The following IL2RA variants were observed in gnomAD, a reference collection of about 807,000 sequenced individuals.
IL2RA encodes interleukin-2 receptor subunit alpha.
A neutral mutation model predicts 37.8 loss-of-function variants in IL2RA; 24 were observed. The ratio of observed to expected loss-of-function variants is 0.63; its 90% CI spans 0.46 to 0.89. IL2RA has a LOEUF of 0.89. Among genes scored for constraint, IL2RA ranks in the 40% least tolerant of loss-of-function variants. The pLI is 0.00. For synonymous variants in IL2RA, 125 were observed against 114.6 expected, an observed-to-expected ratio of 1.09 and a Z score of -0.58; for missense variants, 319 against 348.6, an observed-to-expected ratio of 0.92 and a Z score of 0.68.
At chr10:6,061,459 A>G (rs1303607131) in intron 1 of IL2RA, among the ~76,000 whole-genome samples, 5 of 152,240 alleles carry the variant, frequency 3.3e-5, no homozygotes, top group Non-Finnish European at 7.3e-5. Context: ...ACGTATACAT[A>G]TACATATCAT....
rs1244493542 is a variant in IL2RA at position 6,035,065 on chromosome 10, C to T, written c.65-9040G>A. Among the ~76,000 whole-genome samples the T allele has an allele frequency of 6.6e-6, 1 of 152,122 alleles. No individual in the cohort carries two copies. The highest frequency in any genetic ancestry group is 1.5e-5 in the Non-Finnish European group (1 of 68,012). ...GGTGTAGGGTGGTAAACACTCAAGG[C>T]TTAGAAATTGGGGCTCCCCACCCTG... is the stretch of plus-strand genomic sequence containing the variant. On this transcript the variant is annotated intron_variant, in intron 1 of 7. Coordinates refer to ENST00000379959, the MANE Select transcript of IL2RA (RefSeq NM_000417.3). This position sits in a 1 kb window ranked among gnomAD's most constrained non-coding sequence, Gnocchi z 5.4.
rs1839311518 is a variant in IL2RA at position 6,018,233 on chromosome 10, C to T, written c.728-114G>A. Reference sequence around the variant, plus strand: ...TCCCCAAAGAGCAAGGCGGAGGCTGCAGCCTCTCTTCCCTGTCTCAGGAAG... The same window carrying T: ...TCCCCAAAGAGCAAGGCGGAGGCTGTAGCCTCTCTTCCCTGTCTCAGGAAG... On this transcript the variant is annotated intron_variant, in intron 6 of 7. Coordinates refer to ENST00000379959, the MANE Select transcript of IL2RA (RefSeq NM_000417.3). The surrounding 1 kb of genome is among the most constrained non-coding windows in gnomAD (Gnocchi z 5.1). 6 of 777,430 alleles carry T rather than the reference C, an allele frequency of 7.7e-6. No individual in the cohort carries two copies. The South Asian group carries it at 8.7e-5, about 11-fold the overall frequency. 48.2% of individuals were successfully genotyped at this position (777,430 alleles called of 1,614,324 possible). A position where few individuals can be genotyped will look rare whatever the true frequency, so the allele number is the denominator to read the frequency against.
chr10:6,062,343 G>A lies in IL2RA; in HGVS notation c.-192C>T. ...CAGGAGTTGCTCTCTTTAAGTATTG[G>A]GCTGGCGTGTTCAGCCAGGAAACTG... On this transcript the variant is annotated 5_prime_UTR_variant, in exon 1 of 8. Coordinates refer to ENST00000379959, the MANE Select transcript of IL2RA (RefSeq NM_000417.3). 1 of 546,340 alleles carries A rather than the reference G, an allele frequency of 1.8e-6. No individual in the cohort carries two copies. The highest frequency in any genetic ancestry group is 3.3e-6 in the Non-Finnish European group (1 of 303,056). 33.8% of individuals were successfully genotyped at this position (546,340 alleles called of 1,614,324 possible).
rs942201 is a variant in IL2RA at position 6,044,329 on chromosome 10, G to A, written c.64+17759C>T. Among the ~76,000 whole-genome samples, 27 of 152,162 alleles carry A rather than the reference G, an allele frequency of 1.8e-4. No homozygotes were observed. The highest frequency in any genetic ancestry group is 8.8e-5 in the Non-Finnish European group (6 of 68,030). ...ATAGTTCCGGCTGTGCTACAGCTCC[G>A]TGACTGCTTCTGTAGAGCAGGGCGA... On this transcript the variant is annotated intron_variant, in intron 1 of 7. Coordinates refer to ENST00000379959, the MANE Select transcript of IL2RA (RefSeq NM_000417.3). The surrounding 1 kb of genome is among the most constrained non-coding windows in gnomAD (Gnocchi z 4.5).
Position 6,025,169 on chromosome 10 carries a change from C to T in IL2RA, c.256+665G>A, listed in dbSNP as rs1010591617. On this transcript the variant is annotated intron_variant, in intron 2 of 7. Transcript: ENST00000379959. The surrounding 1 kb of genome is among the most constrained non-coding windows in gnomAD (Gnocchi z 4.4). Reference sequence around the variant, plus strand: ...AGGAGTTCGAGACCAGCCTGGCCAACATGGCGAAACCCCATCTTTGCTAAA... The same window carrying T: ...AGGAGTTCGAGACCAGCCTGGCCAATATGGCGAAACCCCATCTTTGCTAAA... 1.3e-5 allele frequency among the ~76,000 whole-genome samples: 2 copies of T among 152,010 alleles called. No individual in the cohort carries two copies. Among genetic ancestry groups the T allele is most frequent in the Admixed American group, 1.3e-4 (2 of 15,268 alleles).
chr10:6,050,201 C>A (rs2246034), intron 1 of IL2RA, among the ~76,000 whole-genome samples: 151,688 of 152,344 alleles, frequency 1, 75,523 homozygotes, highest in Middle Eastern at 1. Context: ...CCTGCCTAGG[C>A]AGCCCAGGAG....
At position 6,025,279 on chromosome 10, in the gene IL2RA, A is replaced by G. The variant is rs759432447; in HGVS notation, c.256+555T>C. Among the ~76,000 whole-genome samples the G allele has an allele frequency of 1.4e-4, 21 of 152,078 alleles. No homozygotes were observed. The highest frequency in any genetic ancestry group is 2.5e-4 in the Non-Finnish European group (17 of 68,012). On this transcript the variant is annotated intron_variant, in intron 2 of 7. Transcript: ENST00000379959. This position sits in a 1 kb window ranked among gnomAD's most constrained non-coding sequence, Gnocchi z 4.4. ...TGTGGCACAAGATTCACTTGAACCC[A>G]GGAGGTGGAGGTTGCAGTGATCTGA... is the stretch of plus-strand genomic sequence containing the variant.
At position 6,020,984 on chromosome 10, in the gene IL2RA, T is replaced by A. The variant is rs1213324836; in HGVS notation, c.583+494A>T. On this transcript the variant is annotated intron_variant, in intron 4 of 7. Transcript: ENST00000379959. The surrounding 1 kb of genome is among the most constrained non-coding windows in gnomAD (Gnocchi z 5.6). The stretch of plus-strand genomic sequence containing the variant: ...ATGTGCACTGAGTAAGTCCCGACTC[T>A]GCACATTTTATGTTTATTTTTACAA... 6.6e-6 allele frequency among the ~76,000 whole-genome samples: 1 copy of A among 152,104 alleles called. No homozygotes were observed. The highest frequency in any genetic ancestry group is 2.4e-5 in the African/African-American group (1 of 41,414).
chr10:6,030,936 G>A (rs966494543), intron 1 of IL2RA, among the ~76,000 whole-genome samples: 3 of 152,042 alleles, frequency 2.0e-5, no homozygotes, highest in African/African-American at 7.2e-5. Flanking sequence ...ATAAGTTAAG[G>A]ATTCATGCTG....
intron 1 of IL2RA, among the ~76,000 whole-genome samples, chr10:6,027,150 A>G (rs567821399): frequency 6.6e-6 from 1 of 152,232 alleles, no homozygotes; most frequent in East Asian, 1.9e-4. Flanking sequence ...GGTGAAAACC[A>G]CAGTCTCTAC....
Position 6,018,933 on chromosome 10 carries a change from CACTA to C in IL2RA, c.727+491_727+494del, listed in dbSNP as rs1448228672. Reference sequence around the variant, plus strand: ...CTACCAATCTATCTACCAACCAACTCACTAACCAACCAACCAGCTAACCAACCAA... The same window carrying C: ...CTACCAATCTATCTACCAACCAACTCACCAACCAACCAGCTAACCAACCAA... On this transcript the variant is annotated intron_variant, in intron 6 of 7. Transcript: ENST00000379959. The surrounding 1 kb of genome is among the most constrained non-coding windows in gnomAD (Gnocchi z 5.1). Among the ~76,000 whole-genome samples the C allele has an allele frequency of 4.0e-5, 6 of 151,608 alleles. No homozygotes were observed. The highest frequency in any genetic ancestry group is 6.6e-5 in the Admixed American group (1 of 15,228).
At chr10:6,060,312 T>C (rs1362146413) in intron 1 of IL2RA, among the ~76,000 whole-genome samples, 1 of 152,122 alleles carries the variant, frequency 6.6e-6, no homozygotes, top group Non-Finnish European at 1.5e-5. Context: ...GGGTACAGCA[T>C]ACATGCTCAG....
chr10:6,018,002 G>C lies in IL2RA; in HGVS notation c.794+51C>G. The stretch of plus-strand genomic sequence containing the variant: ...GTAGGGGGGAGGCAGGGTGGGGCTG[G>C]GTACAGGACTTTGATCTGACCAAGG... On this transcript the variant is annotated intron_variant, in intron 7 of 7. Coordinates refer to ENST00000379959, the MANE Select transcript of IL2RA (RefSeq NM_000417.3). The surrounding 1 kb of genome is among the most constrained non-coding windows in gnomAD (Gnocchi z 5.1). 6.7e-7 allele frequency: 1 copy of C among 1,484,332 alleles called. No individual in the cohort carries two copies. The highest frequency in any genetic ancestry group is 9.4e-7 in the Non-Finnish European group (1 of 1,068,546). The allele number at this position is 1,484,332 out of a possible 1,614,324, so 91.9% of individuals were successfully genotyped here.
In IL2RA at chr10:6,035,513, T is replaced by C. The variant is rs140618491; in HGVS notation, c.65-9488A>G. 3.1e-3 allele frequency among the ~76,000 whole-genome samples: 478 copies of C among 152,280 alleles called. 2 individuals are homozygous for C. Among genetic ancestry groups the C allele is most frequent in the African/African-American group, 0.011 (456 of 41,566 alleles). On this transcript the variant is annotated intron_variant, in intron 1 of 7. Coordinates refer to ENST00000379959, the MANE Select transcript of IL2RA (RefSeq NM_000417.3). This position sits in a 1 kb window ranked among gnomAD's most constrained non-coding sequence, Gnocchi z 5.4. The stretch of plus-strand genomic sequence containing the variant: ...CTGAGTGGTGGGCCGCACATGAGGC[T>C]CTGAGCAGGCTATATCTCTATTCTG...
rs540915022 is a variant in IL2RA at position 6,015,867 on chromosome 10, A to G, written c.794+2186T>C. Reference sequence around the variant, plus strand: ...CAGACATAAAAGGCCACGTGATTCCATTTACACGAAATGTCCAGAATAGGC... The same window carrying G: ...CAGACATAAAAGGCCACGTGATTCCGTTTACACGAAATGTCCAGAATAGGC... On this transcript the variant is annotated intron_variant, in intron 7 of 7. Transcript: ENST00000379959. This position sits in a 1 kb window ranked among gnomAD's most constrained non-coding sequence, Gnocchi z 4.9. 3.3e-4 allele frequency among the ~76,000 whole-genome samples: 50 copies of G among 152,262 alleles called. No homozygotes were observed. In the East Asian group the frequency reaches 8.7e-3, roughly 26 times the overall value.
rs547040700 is a variant in IL2RA at position 6,026,015 on chromosome 10, G to A, written c.75C>T (p.Asp25=). 8.7e-6 allele frequency: 14 copies of A among 1,612,998 alleles called. No homozygotes were observed. In the East Asian group the frequency reaches 8.9e-5, roughly 10 times the overall value. Residue 25 remains aspartate, a synonymous_variant, in exon 2 of 8, where the codon GAC becomes GAT. Coordinates refer to ENST00000379959, the MANE Select transcript of IL2RA (RefSeq NM_000417.3). ...CGTGTGGGATCTCTGGCGGGTCATCGTCACAGAGCTCTGCAAAGCAAAAGA... is the reference window on the plus strand; with the variant it reads ...CGTGTGGGATCTCTGGCGGGTCATCATCACAGAGCTCTGCAAAGCAAAAGA... The part of the protein sequence containing the change: ...MVPGCQAELC[D]DDPPEIPHAT...
At chr10:6,041,534 C>T (rs971051261) in intron 1 of IL2RA, among the ~76,000 whole-genome samples, 1 of 152,034 alleles carries the variant, frequency 6.6e-6, no homozygotes, top group Non-Finnish European at 1.5e-5. Context: ...ATAAATACAA[C>T]AGTAAAAGAA....
chr10:6,032,995 G>A (rs952976380), intron 1 of IL2RA, among the ~76,000 whole-genome samples: 2 of 152,148 alleles, frequency 1.3e-5, no homozygotes, highest in Non-Finnish European at 2.9e-5. Flanking sequence ...AGACTGATAC[G>A]TCAAATACTG....
At chr10:6,053,788 C>A (rs1010109441) in intron 1 of IL2RA, among the ~76,000 whole-genome samples, 1 of 152,254 alleles carries the variant, frequency 6.6e-6, no homozygotes, top group Non-Finnish European at 1.5e-5. Context: ...AGCCACTGCA[C>A]CTGGCTGCAG....
Sources: allele counts gnomAD v4.1 joint callset (sites outside exome capture counted in the v4.1 genomes callset), GRCh38; gene constraint gnomAD v4.1.1; non-coding constraint Gnocchi (gnomAD v3.1); transcripts MANE v1.5; gene names NCBI Gene and HGNC (gene_info 2026-07-23, HGNC 2026-07-21).